CTNNA2: variants seen among roughly 807,000 people sequenced by gnomAD.
CTNNA2 encodes the protein catenin alpha-2.
A neutral mutation model predicts 101.0 loss-of-function variants in CTNNA2; 42 were observed. The observed-to-expected ratio is 0.42, with a 90% CI of 0.32 to 0.54. The LOEUF (loss-of-function observed/expected upper bound fraction) is 0.54, where lower values mean the gene tolerates loss of function less well. Ranked by LOEUF, CTNNA2 falls within the 20% of genes least tolerant of loss-of-function variation. CTNNA2 has a pLI of 0.14. For missense variants in CTNNA2, 871 were observed against 1,223.1 expected (o/e 0.71, Z 4.29); for synonymous variants, 450 against 456.4 (o/e 0.99, Z 0.18).
At chr2:80,253,655 C>G (rs1355097895) in intron 7 of CTNNA2, among the ~76,000 whole-genome samples, 1 of 152,160 alleles carries the variant, frequency 6.6e-6, no homozygotes, top group Non-Finnish European at 1.5e-5. Flanking sequence ...CTTCCTCAAT[C>G]AAAATCTCTT....
intron 4 of CTNNA2, among the ~76,000 whole-genome samples, chr2:79,468,550 C>A (rs896433124): frequency 6.6e-6 from 1 of 152,192 alleles, no homozygotes; most frequent in African/African-American, 2.4e-5. Context: ...CTACAGAACT[C>A]TCCACCCCAA....
intron 7 of CTNNA2, among the ~76,000 whole-genome samples, chr2:79,999,684 C>T (rs1692801147): frequency 6.6e-6 from 1 of 152,204 alleles, no homozygotes; most frequent in South Asian, 2.1e-4. Flanking sequence ...ACCATTCATC[C>T]ATTTTTACTC....
intron 2 of CTNNA2, among the ~76,000 whole-genome samples, chr2:79,213,825 G>A (rs528077580): frequency 6.6e-6 from 1 of 152,308 alleles, no homozygotes; most frequent in Admixed American, 6.5e-5. Flanking sequence ...CGTCAGGTAT[G>A]AGGAAGAAAA....
chr2:80,530,243 G>A (rs181039213), intron 9 of CTNNA2, among the ~76,000 whole-genome samples: 5 of 152,248 alleles, frequency 3.3e-5, no homozygotes, highest in Admixed American at 1.3e-4. Flanking sequence ...GCCCACCCCC[G>A]GCACTGCTCT....
At chr2:79,219,859 G>T (rs977094071) in intron 2 of CTNNA2, among the ~76,000 whole-genome samples, 1 of 152,142 alleles carries the variant, frequency 6.6e-6, no homozygotes, top group Non-Finnish European at 1.5e-5. Context: ...TGACCCTTTC[G>T]TGAACAGCAA....
intron 9 of CTNNA2, among the ~76,000 whole-genome samples, chr2:80,477,516 C>G (rs747450743): frequency 4.6e-5 from 7 of 152,042 alleles, no homozygotes; most frequent in Non-Finnish European, 8.8e-5. Context: ...CCCACCCATC[C>G]TTTCCCATTC....
At chr2:80,006,631 T>C (rs1404173554) in intron 7 of CTNNA2, among the ~76,000 whole-genome samples, 1 of 152,156 alleles carries the variant, frequency 6.6e-6, no homozygotes, top group East Asian at 1.9e-4. Context: ...AAATTTCCAC[T>C]GCGCTAGGTA....
At chr2:80,049,326 C>T (rs1028254553) in intron 7 of CTNNA2, among the ~76,000 whole-genome samples, 5 of 152,034 alleles carry the variant, frequency 3.3e-5, no homozygotes, top group South Asian at 2.1e-4. Context: ...TGACATCAAC[C>T]GTCATCTGAA....
intron 1 of CTNNA2, among the ~76,000 whole-genome samples, chr2:79,618,011 C>G (rs1296389408): frequency 6.6e-6 from 1 of 152,126 alleles, no homozygotes; most frequent in Non-Finnish European, 1.5e-5. Context: ...CCTCATATCT[C>G]TTTGATCAGA....
At chr2:79,953,078 G>A (rs1688995523) in intron 7 of CTNNA2, among the ~76,000 whole-genome samples, 2 of 152,118 alleles carry the variant, frequency 1.3e-5, no homozygotes, top group Admixed American at 1.3e-4. Flanking sequence ...GTTAATTCAA[G>A]CACAGCGATT....
chr2:79,480,939 T>C (rs1329816737), intron 4 of CTNNA2, among the ~76,000 whole-genome samples: 4 of 152,166 alleles, frequency 2.6e-5, no homozygotes, highest in Admixed American at 2.6e-4. Context: ...TGATGATAAA[T>C]ATTTTACTGT....
At chr2:80,220,703 G>A (rs1708525370) in intron 7 of CTNNA2, among the ~76,000 whole-genome samples, 2 of 152,296 alleles carry the variant, frequency 1.3e-5, no homozygotes, top group African/African-American at 4.8e-5. Flanking sequence ...TCTTGCTGCT[G>A]GTGTAGGAGC....
intron 2 of CTNNA2, among the ~76,000 whole-genome samples, chr2:79,308,201 T>C (rs1676289806): frequency 6.6e-6 from 1 of 152,066 alleles, no homozygotes; most frequent in Non-Finnish European, 1.5e-5. Context: ...CCCATCACCA[T>C]GCCTGGCTAA....
chr2:79,715,879 G>A (rs1408406527), intron 2 of CTNNA2, among the ~76,000 whole-genome samples: 1 of 152,018 alleles, frequency 6.6e-6, no homozygotes, highest in Non-Finnish European at 1.5e-5. Flanking sequence ...CTGAGATAGA[G>A]ACCAGGTTAC....
chr2:79,981,639 TAA>T (rs1224143769), intron 7 of CTNNA2, among the ~76,000 whole-genome samples: 1 of 152,174 alleles, frequency 6.6e-6, no homozygotes, highest in African/African-American at 2.4e-5. Context: ...GCTTTGTAAT[TAA>T]AGTCATTCTT....
intron 4 of CTNNA2, among the ~76,000 whole-genome samples, chr2:79,504,882 T>A (rs1167696369): frequency 6.6e-6 from 1 of 152,226 alleles, no homozygotes; most frequent in East Asian, 1.9e-4. Flanking sequence ...CCCACCATTC[T>A]TTAATTTTGT....
intron 4 of CTNNA2, among the ~76,000 whole-genome samples, chr2:79,380,059 A>T (rs1380911416): frequency 1.3e-5 from 2 of 152,136 alleles, no homozygotes; most frequent in Non-Finnish European, 2.9e-5. Context: ...TTATTGTACC[A>T]CTTTCTTCTG....
intron 3 of CTNNA2, among the ~76,000 whole-genome samples, chr2:79,806,105 A>T (rs1462538429): frequency 6.6e-6 from 1 of 152,122 alleles, no homozygotes; most frequent in Non-Finnish European, 1.5e-5. Flanking sequence ...AGTTAGTTAT[A>T]CATTCCTCAC....
intron 2 of CTNNA2, among the ~76,000 whole-genome samples, chr2:79,266,918 T>C (rs529101786): frequency 2.6e-5 from 4 of 152,194 alleles, no homozygotes; most frequent in Admixed American, 2.6e-4. Context: ...ACCCCTATCT[T>C]AGTGGTATCA....
Sources: gnomAD v4.1 joint callset for allele counts (sites outside exome capture counted in the v4.1 genomes callset) on GRCh38, gnomAD v4.1.1 for gene constraint, MANE v1.5 for transcripts, NCBI Gene and HGNC (gene_info 2026-07-23, HGNC 2026-07-21) for gene names.